The following LY86 variants were observed in gnomAD, a reference collection of about 807,000 sequenced individuals.
LY86 encodes the protein lymphocyte antigen 86, also known as MD-1, RP105-associated.
LY86 carries 20 observed loss-of-function variants against 17.3 expected under a neutral mutation model. That is an observed-to-expected ratio of 1.15 (90% CI 0.81 to 1.68). The LOEUF (loss-of-function observed/expected upper bound fraction) is 1.68, where lower values mean the gene tolerates loss of function less well. Among genes scored for constraint, LY86 ranks in the 40% most tolerant of loss-of-function variants. The probability of loss-of-function intolerance (pLI) is 0.00; values close to 1 mark genes in which losing one functional copy is unlikely to be tolerated. For synonymous variants in LY86, 74 were observed against 70.6 expected (o/e 1.05, Z -0.24); for missense variants, 200 against 191.9 (o/e 1.04, Z -0.25).
chr6:6,603,350 G>C (rs531225274), intron 1 of LY86, among the ~76,000 whole-genome samples: 111 of 102,226 alleles, frequency 1.1e-3, no homozygotes, highest in African/African-American at 3.9e-3. Flanking sequence ...ACTGGCAAAA[G>C]AGAAACCAAG....
At position 6,606,702 on chromosome 6, in the gene LY86, G is replaced by A. The variant is rs535513014; in HGVS notation, c.136+17832G>A. Reference sequence around the variant, plus strand: ...AAGCCCCTCACTACCCGGGGCTTGCGGGCGGACCTGCAGCACTTGCGGGGC... The same window carrying A: ...AAGCCCCTCACTACCCGGGGCTTGCAGGCGGACCTGCAGCACTTGCGGGGC... On this transcript the variant is annotated intron_variant, in intron 1 of 4. Coordinates refer to ENST00000230568, the MANE Select transcript of LY86 (RefSeq NM_004271.4). Among the ~76,000 whole-genome samples, 10 of 152,334 alleles carry A rather than the reference G, an allele frequency of 6.6e-5. No homozygotes were observed. The South Asian group carries it at 2.1e-3, about 32-fold the overall frequency.
intron 1 of LY86, among the ~76,000 whole-genome samples, chr6:6,593,716 A>C (rs1653047444): frequency 6.6e-6 from 1 of 152,230 alleles, no homozygotes; most frequent in Admixed American, 6.5e-5. Flanking sequence ...TAAGATGCTC[A>C]GCTTTTCCTG....
At chr6:6,625,875 T>A (rs115257163) in intron 2 of LY86, among the ~76,000 whole-genome samples, 1 of 152,298 alleles carries the variant, frequency 6.6e-6, no homozygotes, top group African/African-American at 2.4e-5. Context: ...CAGCTTCCTG[T>A]GCACCTGTGC....
intron 1 of LY86, among the ~76,000 whole-genome samples, chr6:6,599,353 GAA>G (rs1760825248): frequency 3.9e-5 from 6 of 152,218 alleles, no homozygotes; most frequent in Admixed American, 3.9e-4. Flanking sequence ...CCAACCAGCA[GAA>G]GAAACTTGAG....
chr6:6,637,185 G>C (rs765455832), intron 3 of LY86, among the ~76,000 whole-genome samples: 12 of 151,868 alleles, frequency 7.9e-5, no homozygotes, highest in Non-Finnish European at 1.6e-4. Flanking sequence ...GCTAATTTTT[G>C]TATTTTTAGT....
intron 1 of LY86, among the ~76,000 whole-genome samples, chr6:6,618,686 A>C (rs1022259648): frequency 2.0e-5 from 3 of 152,228 alleles, no homozygotes; most frequent in African/African-American, 7.2e-5. Context: ...TCTGAGATGA[A>C]ACCGGAAGCC....
intron 1 of LY86, among the ~76,000 whole-genome samples, chr6:6,605,103 C>T (rs1761061393): frequency 1.3e-5 from 2 of 150,164 alleles, no homozygotes; most frequent in South Asian, 4.2e-4. Context: ...TGAAATGACC[C>T]CAGAAGTCAG....
In LY86 at chr6:6,654,661, A is replaced by T; in HGVS notation, c.*34A>T. 1.9e-6 allele frequency: 3 copies of T among 1,571,866 alleles called. No individual in the cohort carries two copies. The highest frequency in any genetic ancestry group is 2.6e-6 in the Non-Finnish European group (3 of 1,142,026). On this transcript the variant is annotated 3_prime_UTR_variant, in exon 5 of 5. Coordinates refer to ENST00000230568, the MANE Select transcript of LY86 (RefSeq NM_004271.4). ...TGTAGCAAAAATCACAGCCAGCTGC[A>T]TCTCGTGGGACCTCCAAGCTCCTCT... is the stretch of plus-strand genomic sequence containing the variant.
intron 1 of LY86, among the ~76,000 whole-genome samples, chr6:6,612,433 G>T (rs12530050): frequency 0.13 from 19,316 of 152,146 alleles, 1,564 homozygotes; most frequent in Middle Eastern, 0.23. Context: ...AAAAGAAACC[G>T]CAAACCTTCA....
At chr6:6,638,057 G>C (rs1413708151) in intron 3 of LY86, among the ~76,000 whole-genome samples, 1 of 152,156 alleles carries the variant, frequency 6.6e-6, no homozygotes. Context: ...CACTGAAAAA[G>C]TCATTTTCCC....
intron 1 of LY86, among the ~76,000 whole-genome samples, chr6:6,616,744 A>G (rs1761563305): frequency 6.6e-6 from 1 of 152,204 alleles, no homozygotes; most frequent in African/African-American, 2.4e-5. Flanking sequence ...TGACTTCTAG[A>G]AGCAGAAGGG....
At chr6:6,626,468 T>C (rs753511892) in intron 3 of LY86, 47 bp downstream of exon 3, 7 of 1,606,004 alleles carry the variant, frequency 4.4e-6, no homozygotes, top group Non-Finnish European at 5.9e-6. Flanking sequence ...TGCAGAGAGA[T>C]AAACTCGAAC....
At chr6:6,602,747 A>C (rs748132962) in intron 1 of LY86, among the ~76,000 whole-genome samples, 14 of 152,162 alleles carry the variant, frequency 9.2e-5, no homozygotes, top group Non-Finnish European at 2.1e-4. Context: ...GTATTGATCT[A>C]TCAACTCCCA....
intron 1 of LY86, among the ~76,000 whole-genome samples, chr6:6,609,509 C>T (rs1484739631): frequency 6.6e-6 from 1 of 152,220 alleles, no homozygotes; most frequent in Non-Finnish European, 1.5e-5. Flanking sequence ...TACACACTTT[C>T]TCTTCCTTCA....
intron 1 of LY86, chr6:6,621,432 G>A (rs1258913132): frequency 6.6e-6 from 1 of 152,166 alleles, no homozygotes; most frequent in African/African-American, 2.4e-5. Flanking sequence ...CTTTTATATT[G>A]GTAGGTGATT....
chr6:6,607,489 CAA>C (rs1561781105), intron 1 of LY86, among the ~76,000 whole-genome samples: 2 of 150,794 alleles, frequency 1.3e-5, no homozygotes, highest in African/African-American at 4.9e-5. Flanking sequence ...ATAAACAAAA[CAA>C]TAAAAACAAA....
At chr6:6,620,432 C>A (rs985048729) in intron 1 of LY86, among the ~76,000 whole-genome samples, 1 of 152,218 alleles carries the variant, frequency 6.6e-6, no homozygotes, top group Non-Finnish European at 1.5e-5. Flanking sequence ...AACTAACCAG[C>A]CAGCAACGCA....
chr6:6,629,577 G>C (rs576895133), intron 3 of LY86, among the ~76,000 whole-genome samples: 96 of 152,352 alleles, frequency 6.3e-4, no homozygotes, highest in African/African-American at 2.2e-3. Flanking sequence ...GGTGTCACTG[G>C]CAGTTGAGCT....
At chr6:6,606,473 A>G (rs1020784787) in intron 1 of LY86, among the ~76,000 whole-genome samples, 1 of 152,084 alleles carries the variant, frequency 6.6e-6, no homozygotes, top group Admixed American at 6.5e-5. Context: ...GCGCACCCGC[A>G]CTCCTCAGCC....
Sources: gnomAD v4.1 joint callset for allele counts (sites outside exome capture counted in the v4.1 genomes callset) on GRCh38, gnomAD v4.1.1 for gene constraint, MANE v1.5 for transcripts, NCBI Gene and HGNC (gene_info 2026-07-23, HGNC 2026-07-21) for gene names.